ZNF704: variants seen among roughly 807,000 people sequenced by gnomAD.
ZNF704 encodes glucocorticoid induced gene 1.
Under a neutral mutation model 44.7 loss-of-function variants are expected in ZNF704, and 10 were observed. The ratio of observed to expected loss-of-function variants is 0.22; its 90% CI spans 0.14 to 0.38. The LOEUF (loss-of-function observed/expected upper bound fraction) is 0.38, where lower values mean the gene tolerates loss of function less well. Ranked by LOEUF, ZNF704 falls within the 10% of genes least tolerant of loss-of-function variation. The pLI is 1.00. For missense variants in ZNF704, 390 were observed against 545.5 expected (o/e 0.71, Z 2.84); for synonymous variants, 211 against 207.6 (o/e 1.02, Z -0.14).
intron 1 of ZNF704, among the ~76,000 whole-genome samples, chr8:80,862,549 C>G (rs990963700): frequency 7.0e-5 from 10 of 142,738 alleles, no homozygotes; most frequent in Admixed American, 4.3e-4. Flanking sequence ...CACCTGAGGG[C>G]GAGAGTTCGA....
the ZNF704 span, among the ~76,000 whole-genome samples, chr8:80,880,142 C>A: frequency 6.6e-6 from 1 of 152,188 alleles, no homozygotes; most frequent in Admixed American, 6.5e-5. Context: ...CGACTAGAGC[C>A]AGATCCACAG....
chr8:80,777,558 T>A (rs1807436051), intron 2 of ZNF704, among the ~76,000 whole-genome samples: 1 of 152,140 alleles, frequency 6.6e-6, no homozygotes, highest in Non-Finnish European at 1.5e-5. Flanking sequence ...AACACATGCA[T>A]ATACACTTTT....
Position 80,638,178 on chromosome 8 carries a change from A to C in ZNF704, c.*3188T>G, listed in dbSNP as rs957495201. The C allele has an allele frequency of 6.6e-6, 1 of 152,318 alleles. No individual in the cohort carries two copies. The highest frequency in any genetic ancestry group is 1.5e-5 in the Non-Finnish European group (1 of 68,134). The allele number at this position is 152,318 out of a possible 1,614,324, so 9.4% of individuals were successfully genotyped here. ...ATCTGCTGGGAAGGCCCAAGGCTTA[A>C]CACCACTGCCTGCTGGCCACTCTGC... On this transcript the variant is annotated 3_prime_UTR_variant, in exon 9 of 9. Coordinates refer to ENST00000327835, the MANE Select transcript of ZNF704 (RefSeq NM_001033723.3).
At chr8:80,696,859 A>T (rs188844044) in intron 2 of ZNF704, among the ~76,000 whole-genome samples, 84 of 152,318 alleles carry the variant, frequency 5.5e-4, no homozygotes, top group African/African-American at 1.9e-3. Context: ...ACCCTAGGGG[A>T]CGCTGAACAA....
rs1817587172 is a variant in ZNF704 at position 80,631,666 on chromosome 8, G to A, written c.*9700C>T. The A allele has an allele frequency of 6.6e-6, 1 of 152,244 alleles. No homozygotes were observed. The highest frequency in any genetic ancestry group is 1.9e-4 in the East Asian group (1 of 5,196). 9.4% of individuals were successfully genotyped at this position (152,244 alleles called of 1,614,324 possible). The stretch of plus-strand genomic sequence containing the variant: ...TGCACGGCGGGCTTTGAGGCACAGT[G>A]AAAGGATTAGCTATCTGCCTTGTCA... On this transcript the variant is annotated 3_prime_UTR_variant, in exon 9 of 9. Transcript: ENST00000327835.
intron 2 of ZNF704, among the ~76,000 whole-genome samples, chr8:80,724,127 T>C (rs1340437223): frequency 1.3e-5 from 2 of 152,234 alleles, no homozygotes; most frequent in Non-Finnish European, 2.9e-5. Flanking sequence ...AATTATCTGG[T>C]GATGCTGGGA....
intron 4 of ZNF704, 84 bp downstream of exon 4, chr8:80,687,142 G>C: frequency 8.2e-7 from 1 of 1,214,300 alleles, no homozygotes; most frequent in Non-Finnish European, 1.2e-6. Context: ...TAGGTCCAAG[G>C]TTAAGCTCAC....
At chr8:80,773,437 C>T (rs537454968) in intron 2 of ZNF704, among the ~76,000 whole-genome samples, 177 of 152,090 alleles carry the variant, frequency 1.2e-3, no homozygotes, top group Non-Finnish European at 2.2e-3. Context: ...TAAATATTTC[C>T]TCTATGCACA....
chr8:80,746,365 G>T (rs1437115864), intron 2 of ZNF704, among the ~76,000 whole-genome samples: 2 of 152,166 alleles, frequency 1.3e-5, no homozygotes, highest in African/African-American at 4.8e-5. Context: ...GGGCAGACCT[G>T]GGTTTATGTC....
At chr8:80,740,021 C>G (rs550341818) in intron 2 of ZNF704, among the ~76,000 whole-genome samples, 3 of 152,282 alleles carry the variant, frequency 2.0e-5, no homozygotes, top group African/African-American at 7.2e-5. Context: ...AGGAGGTTAA[C>G]TGTCTCCTGG....
chr8:80,645,608 G>A (rs1417720058), intron 7 of ZNF704, among the ~76,000 whole-genome samples: 3 of 152,082 alleles, frequency 2.0e-5, no homozygotes, highest in Admixed American at 2.0e-4. Flanking sequence ...TAAGACTGTG[G>A]TTGTTTTATG....
At chr8:80,700,454 TTGGAAGAGTTAAATAAGATGTGTAAAA>T (rs1818791362) in intron 2 of ZNF704, among the ~76,000 whole-genome samples, 2 of 152,230 alleles carry the variant, frequency 1.3e-5, no homozygotes, top group Admixed American at 1.3e-4. Flanking sequence ...CTTAGAGGGT[TTGGAAGAGTTAAATAAGATGTGTAAAA>T]TATCTGGCAT....
intron 2 of ZNF704, among the ~76,000 whole-genome samples, chr8:80,705,508 A>C (rs1267290893): frequency 1.4e-5 from 2 of 144,942 alleles, no homozygotes; most frequent in Non-Finnish European, 3.0e-5. Context: ...GTGTGTGTGC[A>C]TGTGTATCTC....
chr8:80,738,738 T>C (rs1169343976), intron 2 of ZNF704, among the ~76,000 whole-genome samples: 4 of 152,224 alleles, frequency 2.6e-5, no homozygotes, highest in Non-Finnish European at 5.9e-5. Flanking sequence ...TTCCCAGATA[T>C]GTATCTGTCA....
intron 2 of ZNF704, among the ~76,000 whole-genome samples, chr8:80,759,320 C>T (rs1315738785): frequency 1.3e-5 from 2 of 150,970 alleles, no homozygotes; most frequent in East Asian, 3.9e-4. Context: ...ATATCTCACA[C>T]CTGCATACAA....
At chr8:80,730,359 G>A (rs1806558234) in intron 2 of ZNF704, among the ~76,000 whole-genome samples, 1 of 151,862 alleles carries the variant, frequency 6.6e-6, no homozygotes, top group South Asian at 2.1e-4. Context: ...CCAACATGGT[G>A]AAATGCCATC....
chr8:80,842,483 G>C (rs937682036), intron 1 of ZNF704, among the ~76,000 whole-genome samples: 17 of 152,118 alleles, frequency 1.1e-4, no homozygotes, highest in Non-Finnish European at 1.5e-5. Context: ...AAAAGGGATC[G>C]CACACACAGA....
At position 80,687,287 on chromosome 8, in the gene ZNF704, C is replaced by T. The variant is rs1195334042; in HGVS notation, c.497G>A (p.Gly166Asp). The change falls in exon 4 of 9, where the codon GGC becomes GAC. Residue 166 changes from glycine to aspartate, a missense_variant. By Grantham distance (94) the Gly-to-Asp change is moderately conservative (BLOSUM62 -1). Transcript: ENST00000327835. ...GTTGCTGGCCTCCGCCTCGTCGATG[C>T]CGTCGTCTGGCTGCGCGGGGCTGCG... ...PFRSPAQPDD[G>D]IDEAEASNLL... 2 of 1,613,138 alleles carry T rather than the reference C, an allele frequency of 1.2e-6. No homozygotes were observed. Among genetic ancestry groups the T allele is most frequent in the Non-Finnish European group, 8.5e-7 (1 of 1,179,838 alleles).
chr8:80,827,360 A>G (rs1157504354), intron 1 of ZNF704, among the ~76,000 whole-genome samples: 2 of 152,218 alleles, frequency 1.3e-5, no homozygotes, highest in Non-Finnish European at 2.9e-5. Context: ...AATCCAACTT[A>G]CAAGGGATGT....
Sources: gnomAD v4.1 joint callset for allele counts (sites outside exome capture counted in the v4.1 genomes callset) on GRCh38, gnomAD v4.1.1 for gene constraint, MANE v1.5 for transcripts, NCBI Gene and HGNC (gene_info 2026-07-23, HGNC 2026-07-21) for gene names.